Variants in EPHA6 observed in about 807,000 individuals in gnomAD.
The protein encoded by EPHA6 is ephrin type-A receptor 6.
A neutral mutation model predicts 112.0 loss-of-function variants in EPHA6; 50 were observed. The ratio of observed to expected loss-of-function variants is 0.45; its 90% confidence interval spans 0.36 to 0.56. EPHA6 has a LOEUF of 0.56. Ranked by LOEUF, EPHA6 falls within the 20% of genes least tolerant of loss-of-function variation. The pLI is 0.00. For missense variants in EPHA6, 1,280 were observed against 1,417.4 expected (o/e 0.90, Z 1.56); for synonymous variants, 529 against 490.7 (o/e 1.08, Z -1.03).
intron 16 of EPHA6, among the ~76,000 whole-genome samples, chr3:97,741,883 C>T (rs2107879038): frequency 6.6e-6 from 1 of 152,024 alleles, no homozygotes; most frequent in East Asian, 1.9e-4. Context: ...ATTTTATGTC[C>T]CAGTAGGCAA....
chr3:97,721,366 A>T (rs1415835884), intron 15 of EPHA6, among the ~76,000 whole-genome samples: 3 of 152,194 alleles, frequency 2.0e-5, no homozygotes, highest in Non-Finnish European at 4.4e-5. Context: ...TTAATCACAG[A>T]GAAAATTTAT....
At chr3:97,632,389 G>A (rs973084296) in intron 13 of EPHA6, among the ~76,000 whole-genome samples, 2 of 151,980 alleles carry the variant, frequency 1.3e-5, no homozygotes, top group Non-Finnish European at 2.9e-5. Flanking sequence ...CAGTGGGAGA[G>A]AAAAACACAT....
At chr3:97,043,500 C>G (rs1210319423) in intron 3 of EPHA6, among the ~76,000 whole-genome samples, 2 of 152,160 alleles carry the variant, frequency 1.3e-5, no homozygotes, top group Admixed American at 6.5e-5. Context: ...TGCTGATGCT[C>G]TTTAGGAAAT....
At chr3:97,564,159 A>G (rs2093229372) in intron 11 of EPHA6, among the ~76,000 whole-genome samples, 1 of 152,264 alleles carries the variant, frequency 6.6e-6, no homozygotes, top group Middle Eastern at 3.4e-3. Context: ...CAGTAACTTA[A>G]TAGGGAGTCA....
chr3:97,471,926 G>C (rs566768838), intron 7 of EPHA6, among the ~76,000 whole-genome samples: 2 of 151,722 alleles, frequency 1.3e-5, no homozygotes, highest in East Asian at 1.9e-4. Context: ...GTTTCTAAGA[G>C]AGACTTCTTC....
chr3:97,368,536 A>G (rs2084870809), intron 5 of EPHA6, among the ~76,000 whole-genome samples: 1 of 152,210 alleles, frequency 6.6e-6, no homozygotes, highest in Admixed American at 6.5e-5. Flanking sequence ...AACCATATAT[A>G]TGAGTCAAAG....
intron 5 of EPHA6, among the ~76,000 whole-genome samples, chr3:97,349,580 A>T (rs2083699644): frequency 1.3e-5 from 2 of 152,284 alleles, no homozygotes; most frequent in Admixed American, 6.5e-5. Flanking sequence ...GTACAAAAAT[A>T]AAAGAAAGAG....
intron 13 of EPHA6, among the ~76,000 whole-genome samples, chr3:97,613,039 T>C (rs1560190794): frequency 6.6e-6 from 1 of 151,874 alleles, no homozygotes; most frequent in Non-Finnish European, 1.5e-5. Context: ...GCACGTAGAG[T>C]TTCTAAAAGT....
intron 6 of EPHA6, among the ~76,000 whole-genome samples, chr3:97,443,359 CAAAAAAA>C (rs5851066): frequency 2.9e-5 from 2 of 68,260 alleles, no homozygotes; most frequent in African/African-American, 1.0e-4. Context: ...TAAGACATCG[CAAAAAAA>C]AAAAAAAAAA....
chr3:97,349,291 T>G (rs2083685154), intron 5 of EPHA6, among the ~76,000 whole-genome samples: 2 of 152,038 alleles, frequency 1.3e-5, no homozygotes, highest in African/African-American at 4.8e-5. Flanking sequence ...TCCATTAATA[T>G]AAAAGTAAAA....
intron 10 of EPHA6, among the ~76,000 whole-genome samples, 151 bp downstream of exon 10, chr3:97,484,210 T>A (rs558766109): frequency 2.0e-5 from 3 of 152,356 alleles, no homozygotes; most frequent in East Asian, 1.9e-4. Flanking sequence ...TTATTTTTTT[T>A]AAGTATATTT....
chr3:97,185,714 T>G (rs928018504), intron 3 of EPHA6, among the ~76,000 whole-genome samples: 1 of 152,090 alleles, frequency 6.6e-6, no homozygotes, highest in African/African-American at 2.4e-5. Context: ...CATTACTGGG[T>G]ATATACCCAA....
chr3:97,562,667 G>A (rs1372975422), intron 11 of EPHA6, among the ~76,000 whole-genome samples: 2 of 152,132 alleles, frequency 1.3e-5, no homozygotes, highest in African/African-American at 4.8e-5. Flanking sequence ...GAGTTTGAGA[G>A]GAATGACTCC....
chr3:97,540,949 G>A (rs182427580), intron 11 of EPHA6, among the ~76,000 whole-genome samples: 2 of 152,146 alleles, frequency 1.3e-5, no homozygotes, highest in African/African-American at 2.4e-5. Context: ...GCATGAATTC[G>A]CATCCAGGAA....
intron 7 of EPHA6, among the ~76,000 whole-genome samples, chr3:97,467,637 T>C (rs2091099273): frequency 6.6e-6 from 1 of 151,834 alleles, no homozygotes; most frequent in Non-Finnish European, 1.5e-5. Context: ...GAAAGATATA[T>C]GCATGAAGAT....
chr3:96,817,989 G>C (rs1224775941), intron 1 of EPHA6, among the ~76,000 whole-genome samples: 1 of 151,812 alleles, frequency 6.6e-6, no homozygotes, highest in Admixed American at 6.6e-5. Flanking sequence ...AGAAAGTAAA[G>C]GTTCTTCCTA....
At chr3:97,709,535 C>A (rs1044149442) in intron 14 of EPHA6, among the ~76,000 whole-genome samples, 4 of 152,308 alleles carry the variant, frequency 2.6e-5, no homozygotes, top group Non-Finnish European at 5.9e-5. Flanking sequence ...TGGATTTGGA[C>A]TTTTCAGTTA....
At chr3:97,090,892 C>T (rs1368967909) in intron 3 of EPHA6, among the ~76,000 whole-genome samples, 1 of 151,924 alleles carries the variant, frequency 6.6e-6, no homozygotes, top group Non-Finnish European at 1.5e-5. Context: ...AAGCATGTAC[C>T]TTTAGAACCA....
At chr3:97,323,156 G>A (rs999625050) in intron 5 of EPHA6, among the ~76,000 whole-genome samples, 1 of 151,674 alleles carries the variant, frequency 6.6e-6, no homozygotes, top group Non-Finnish European at 1.5e-5. Flanking sequence ...GAATGTCTCT[G>A]ACAAGATATA....
Sources: allele counts gnomAD v4.1 joint callset (sites outside exome capture counted in the v4.1 genomes callset), GRCh38; gene constraint gnomAD v4.1.1; transcripts MANE v1.5; gene names NCBI Gene and HGNC (gene_info 2026-07-23, HGNC 2026-07-21).